Variants in AGTPBP1 observed in about 807,000 individuals in gnomAD.
AGTPBP1 encodes cytosolic carboxypeptidase 1.
In AGTPBP1, 70 loss-of-function variants were observed where a neutral mutation model predicts 143.9. The ratio of observed to expected loss-of-function variants is 0.49; its 90% CI spans 0.40 to 0.59. AGTPBP1 has a LOEUF of 0.59. Among genes scored for constraint, AGTPBP1 ranks in the 20% least tolerant of loss-of-function variants. The pLI, the probability that AGTPBP1 is intolerant of heterozygous loss-of-function variation, is 0.00. For missense variants in AGTPBP1, 1,229 were observed against 1,464.5 expected (o/e 0.84, Z 2.62); for synonymous variants, 463 against 500.2 (o/e 0.93, Z 0.99).
intron 17 of AGTPBP1, among the ~76,000 whole-genome samples, chr9:85,613,632 A>G (rs1041290245): frequency 1.4e-4 from 22 of 152,068 alleles, no homozygotes; most frequent in African/African-American, 4.8e-4. Flanking sequence ...CTCTCACCCA[A>G]TTAAAGGGTA....
At chr9:85,779,833 C>T in the AGTPBP1 span, among the ~76,000 whole-genome samples, 1 of 152,080 alleles carries the variant, frequency 6.6e-6, no homozygotes. Flanking sequence ...ACACACTCTA[C>T]CCTGGGCAAC....
At chr9:85,732,320 T>G (rs1283450223) in intron 1 of AGTPBP1, among the ~76,000 whole-genome samples, 3 of 150,218 alleles carry the variant, frequency 2.0e-5, no homozygotes, top group South Asian at 2.1e-4. Context: ...GTTCCGGCCA[T>G]TCTCCTGCCT....
intron 3 of AGTPBP1, among the ~76,000 whole-genome samples, chr9:85,687,636 C>T (rs1835563232): frequency 6.6e-6 from 1 of 151,588 alleles, no homozygotes; most frequent in Non-Finnish European, 1.5e-5. Context: ...AAAAAAACCA[C>T]AAAGAAAATT....
chr9:85,573,680 A>G (rs1827684054), intron 25 of AGTPBP1, among the ~76,000 whole-genome samples: 1 of 148,648 alleles, frequency 6.7e-6, no homozygotes, highest in South Asian at 2.1e-4. Context: ...CCCGGCCGCC[A>G]TCCCATCTAG....
intron 17 of AGTPBP1, among the ~76,000 whole-genome samples, chr9:85,606,917 A>AG (rs1029021155): frequency 2.6e-5 from 4 of 151,942 alleles, no homozygotes; most frequent in East Asian, 1.9e-4. Flanking sequence ...GGGAGGGATA[A>AG]GGGGGGTGAA....
At chr9:85,746,296 A>G (rs888043248), upstream of AGTPBP1, among the ~76,000 whole-genome samples, 3 of 151,988 alleles carry the variant, frequency 2.0e-5, no homozygotes, top group South Asian at 2.1e-4. Flanking sequence ...TCTTCTAACT[A>G]TCAACTTTCC....
intron 1 of AGTPBP1, among the ~76,000 whole-genome samples, chr9:85,718,410 T>C (rs1223532306): frequency 6.6e-6 from 1 of 152,248 alleles, no homozygotes; most frequent in Non-Finnish European, 1.5e-5. Context: ...TGCATTTCTC[T>C]GATGACCAGT....
Position 85,585,550 on chromosome 9 carries a change from A to G in AGTPBP1, c.3078T>C (p.Phe1026=), listed in dbSNP as rs759054481. ...TCTCTTTGATGCTGCAACCATACATAAATACATTCTTCTTTCGGGAATGGC... is the reference window on the plus strand; with the variant it reads ...TCTCTTTGATGCTGCAACCATACATGAATACATTCTTCTTTCGGGAATGGC... ...YHGHSRKKNV[F]MYGCSIKETV... is the part of the protein sequence containing the mutation. Residue 1026 remains phenylalanine (F), a synonymous_variant, in exon 23 of 26, where the codon TTT becomes TTC. Coordinates refer to ENST00000357081, the MANE Select transcript of AGTPBP1 (RefSeq NM_001330701.2). The G allele has an allele frequency of 6.2e-7, 1 of 1,609,800 alleles. No individual in the cohort carries two copies. Among genetic ancestry groups the G allele is most frequent in the East Asian group, 2.2e-5 (1 of 44,618 alleles).
At position 85,571,353 on chromosome 9, in the gene AGTPBP1, G is replaced by A. The variant is rs141077793; in HGVS notation, c.3503+3962C>T. ...GTTCTGCCAAAAAGCAAGGAAATCC[G>A]CAAAGAATGATGAGGAAATATAAAA... is the stretch of plus-strand genomic sequence containing the variant. On this transcript the variant is annotated intron_variant, in intron 25 of 25. Coordinates refer to ENST00000357081, the MANE Select transcript of AGTPBP1 (RefSeq NM_001330701.2). 4.3e-4 allele frequency among the ~76,000 whole-genome samples: 65 copies of A among 152,206 alleles called. 2 individuals carry two copies. Among genetic ancestry groups the A allele is most frequent in the South Asian group, 1.4e-3 (7 of 4,830 alleles).
the AGTPBP1 span, chr9:85,753,551 C>T: frequency 0.011 from 13,351 of 1,205,992 alleles, 97 homozygotes; most frequent in Non-Finnish European, 0.013. Context: ...GTCAGGAGTT[C>T]GACCAGCCTG....
chr9:85,663,847 C>A (rs1261931331), intron 8 of AGTPBP1, among the ~76,000 whole-genome samples: 1 of 151,898 alleles, frequency 6.6e-6, no homozygotes, highest in Non-Finnish European at 1.5e-5. Flanking sequence ...TGCTTATATA[C>A]CCAAATAAAC....
chr9:85,674,927 C>T (rs1487611535), intron 6 of AGTPBP1, among the ~76,000 whole-genome samples: 2 of 152,048 alleles, frequency 1.3e-5, no homozygotes, highest in Non-Finnish European at 1.5e-5. Context: ...GACAGAGTCT[C>T]GCTCTGTCAC....
intron 25 of AGTPBP1, among the ~76,000 whole-genome samples, chr9:85,566,892 C>T (rs1827139448): frequency 6.6e-6 from 1 of 152,054 alleles, no homozygotes; most frequent in Non-Finnish European, 1.5e-5. Flanking sequence ...GAGACTTCTG[C>T]CTAAAGCTAA....
intron 1 of AGTPBP1, among the ~76,000 whole-genome samples, chr9:85,738,630 C>A (rs896055546): frequency 9.9e-5 from 15 of 152,102 alleles, no homozygotes; most frequent in African/African-American, 3.4e-4. Context: ...CCATCACCAA[C>A]AGGAGGGAGA....
intron 21 of AGTPBP1, 63 bp downstream of exon 21, chr9:85,588,235 A>T (rs1274780210): frequency 7.6e-7 from 1 of 1,321,818 alleles, no homozygotes; most frequent in Non-Finnish European, 1.0e-6. Flanking sequence ...TGTTATTTCA[A>T]CAAGTTTATA....
chr9:85,735,204 A>G (rs1839163556), intron 1 of AGTPBP1, among the ~76,000 whole-genome samples: 1 of 152,222 alleles, frequency 6.6e-6, no homozygotes, highest in South Asian at 2.1e-4. Flanking sequence ...CCTTAAAAAG[A>G]AAGTCCTGAC....
At chr9:85,616,531 T>C (rs573665159) in intron 17 of AGTPBP1, among the ~76,000 whole-genome samples, 5 of 152,062 alleles carry the variant, frequency 3.3e-5, no homozygotes, top group East Asian at 1.9e-4. Flanking sequence ...TTAGTAAAAA[T>C]GCAATCTACT....
At chr9:85,805,467 C>T in the AGTPBP1 span, 1 of 151,910 alleles carries the variant, frequency 6.6e-6, no homozygotes, top group African/African-American at 2.4e-5. Context: ...CGGCGCGAGC[C>T]TGCCCCCAGC....
intron 23 of AGTPBP1, among the ~76,000 whole-genome samples, chr9:85,579,574 T>C (rs1051012377): frequency 2.9e-5 from 4 of 138,282 alleles, no homozygotes; most frequent in South Asian, 4.7e-4. Flanking sequence ...AAGTATACCC[T>C]GAGAAATTGT....
Sources: gnomAD v4.1 joint callset for allele counts (sites outside exome capture counted in the v4.1 genomes callset) on GRCh38, gnomAD v4.1.1 for gene constraint, MANE v1.5 for transcripts, NCBI Gene and HGNC (gene_info 2026-07-23, HGNC 2026-07-21) for gene names.